The following SLC39A12 variants were observed in gnomAD, a reference collection of about 807,000 sequenced individuals.
The protein encoded by SLC39A12 is solute carrier family 39 member 12.
SLC39A12 carries 63 observed loss-of-function variants against 71.1 expected under a neutral mutation model. The observed-to-expected ratio is 0.89, with a 90% CI of 0.72 to 1.09. SLC39A12 has a LOEUF of 1.09. Among genes scored for constraint, SLC39A12 ranks in the 50% least tolerant of loss-of-function variants. The pLI, the probability that SLC39A12 is intolerant of heterozygous loss-of-function variation, is 0.00. For synonymous variants in SLC39A12, 351 were observed against 301.3 expected (o/e 1.16, Z -1.71); for missense variants, 892 against 812.6 (o/e 1.10, Z -1.19).
At chr10:17,961,981 G>A in intron 3 of SLC39A12, 119 bp downstream of exon 3, 2 of 1,065,426 alleles carry the variant, frequency 1.9e-6, no homozygotes, top group Non-Finnish European at 2.7e-6. Context: ...AAGTATTTGT[G>A]GGTTTTGGTT....
intron 11 of SLC39A12, chr10:18,002,970 G>A (rs1835878205): frequency 1.9e-6 from 1 of 516,528 alleles, no homozygotes; most frequent in East Asian, 3.1e-5. Flanking sequence ...TGGAACTCTT[G>A]AAATGCAACT....
chr10:17,977,867 T>C, intron 4 of SLC39A12, 35 bp from the exon 5 acceptor site: 1 of 1,517,270 alleles, frequency 6.6e-7, no homozygotes, highest in African/African-American at 1.4e-5. Context: ...ACTTATCTAT[T>C]CTATGTGACA....
chr10:17,959,084 T>G (rs1235299555), intron 2 of SLC39A12, among the ~76,000 whole-genome samples: 2 of 152,210 alleles, frequency 1.3e-5, no homozygotes, highest in African/African-American at 2.4e-5. Flanking sequence ...GAGGCTATTT[T>G]GTACAAAGAA....
In SLC39A12 at chr10:18,012,537, C is replaced by T. The variant is rs777461667; in HGVS notation, c.1947+9179C>T. ...TTCCCTCCGTCTTGTTTACAGCAAA[C>T]CATCACAAAGAAATTAGAAGTAGAA... is the stretch of plus-strand genomic sequence containing the variant. On this transcript the variant is annotated intron_variant, in intron 12 of 12. Transcript: ENST00000377369. Among the ~76,000 whole-genome samples the T allele has an allele frequency of 3.6e-4, 55 of 152,186 alleles. 1 individual carries two copies. The highest frequency in any genetic ancestry group is 1.6e-3 in the Admixed American group (24 of 15,292).
chr10:18,034,449 A>G lies in SLC39A12; in HGVS notation c.1948-8256A>G, dbSNP rs377720800. On this transcript the variant is annotated intron_variant, in intron 12 of 12. Coordinates refer to ENST00000377369, the MANE Select transcript of SLC39A12 (RefSeq NM_001145195.2). ...TCTTTGCTGGTTTAAAGTCTGTTTT[A>G]TCAGAGACTAGGATTGCAACCCCTG... 1.4e-4 allele frequency among the ~76,000 whole-genome samples: 21 copies of G among 152,212 alleles called. No homozygotes were observed. The South Asian group carries it at 4.1e-3, about 30-fold the overall frequency.
intron 8 of SLC39A12, among the ~76,000 whole-genome samples, chr10:17,992,110 CAAAA>C (rs1835568646): frequency 9.3e-6 from 1 of 106,966 alleles, no homozygotes; most frequent in Non-Finnish European, 2.0e-5. Context: ...AAAAAAAAAA[CAAAA>C]GAAAAAATAA....
At chr10:17,984,386 CTTTGCCT>C (rs1835349001) in intron 6 of SLC39A12, among the ~76,000 whole-genome samples, 1 of 152,216 alleles carries the variant, frequency 6.6e-6, no homozygotes, top group Non-Finnish European at 1.5e-5. Context: ...GAAGTTTCAA[CTTTGCCT>C]TTTGCCTGGG....
chr10:17,996,997 T>C (rs1199913893), intron 10 of SLC39A12, among the ~76,000 whole-genome samples: 1 of 131,524 alleles, frequency 7.6e-6, no homozygotes, highest in Non-Finnish European at 1.5e-5. Context: ...CACTCTAGTC[T>C]GTGCAACAGA....
intron 12 of SLC39A12, among the ~76,000 whole-genome samples, chr10:18,039,060 A>G (rs1041831466): frequency 3.9e-5 from 6 of 152,244 alleles, no homozygotes; most frequent in African/African-American, 7.2e-5. Context: ...CCTATACTTT[A>G]TAAGTCTTTG....
intron 12 of SLC39A12, among the ~76,000 whole-genome samples, chr10:18,014,853 T>C (rs925680857): frequency 2.4e-4 from 37 of 152,318 alleles, no homozygotes; most frequent in African/African-American, 8.2e-4. Context: ...CTGATGCATC[T>C]ACAGTTTGAG....
At chr10:17,964,826 C>T (rs900023505) in intron 3 of SLC39A12, among the ~76,000 whole-genome samples, 1 of 152,160 alleles carries the variant, frequency 6.6e-6, no homozygotes, top group Non-Finnish European at 1.5e-5. Context: ...GCAGGTTGCA[C>T]TTAAAGCGGG....
chr10:18,037,616 T>C (rs1315250116), intron 12 of SLC39A12, among the ~76,000 whole-genome samples: 1 of 115,180 alleles, frequency 8.7e-6, no homozygotes, highest in Non-Finnish European at 1.6e-5. Context: ...GAAATATATA[T>C]GTAAGAAAGG....
intron 8 of SLC39A12, among the ~76,000 whole-genome samples, chr10:17,991,859 C>T (rs545711422): frequency 8.7e-4 from 132 of 152,134 alleles, no homozygotes; most frequent in Non-Finnish European, 1.3e-3. Flanking sequence ...GAGGCCGAGG[C>T]AGGCGGATCA....
At chr10:17,966,867 C>T (rs200598005) in intron 4 of SLC39A12, among the ~76,000 whole-genome samples, 14 of 151,454 alleles carry the variant, frequency 9.2e-5, no homozygotes, top group East Asian at 3.9e-4. Flanking sequence ...CCAGCTACTC[C>T]GGAGGCTGAG....
Position 18,042,770 on chromosome 10 carries a change from A to G in SLC39A12, c.2013A>G (p.Gly671=), listed in dbSNP as rs367754594. 5 of 1,613,486 alleles carry G rather than the reference A, an allele frequency of 3.1e-6. No homozygotes were observed. The highest frequency in any genetic ancestry group is 4.2e-6 in the Non-Finnish European group (5 of 1,179,850). The change falls in exon 13 of 13, where the codon GGA becomes GGG. Residue 671 remains glycine (G), a synonymous_variant. Transcript: ENST00000377369. ...PWMMFLLQNF[G]LILGWLSLLL... ...TGATGTTTCTCCTGCAAAACTTTGG[A>G]TTGATCCTAGGTTGGCTTTCTCTCC...
chr10:17,961,252 AT>A (rs1834680874), intron 2 of SLC39A12, among the ~76,000 whole-genome samples: 1 of 152,206 alleles, frequency 6.6e-6, no homozygotes, highest in Non-Finnish European at 1.5e-5. Context: ...CAAAAAGAAG[AT>A]TGCAAGGAAT....
chr10:17,977,903 A>G lies in SLC39A12; in HGVS notation c.753A>G (p.Glu251=), dbSNP rs777318898. The change falls in exon 5 of 13, where the codon GAA becomes GAG. Residue 251 remains glutamate, a splice_region_variant and synonymous_variant. Transcript: ENST00000377369. ...LNRTNTLRLS[E]LDQLLNTLWT... ...CCAGATTTTATATGAAATTTCTAGA[A>G]CTAGACCAACTCCTCAACACTCTCT... 4 of 1,581,868 alleles carry G rather than the reference A, an allele frequency of 2.5e-6. No individual in the cohort carries two copies. The South Asian group carries it at 3.5e-5, about 14-fold the overall frequency.
chr10:17,991,125 CTTTTT>C, intron 7 of SLC39A12, 21 bp from the exon 8 acceptor site: 17 of 1,358,902 alleles, frequency 1.3e-5, no homozygotes, highest in East Asian at 2.8e-5. Flanking sequence ...TTCTCTCTGC[CTTTTT>C]TTTTTTTTTT....
At chr10:17,956,622 C>A (rs1189707607) in intron 2 of SLC39A12, among the ~76,000 whole-genome samples, 1 of 152,206 alleles carries the variant, frequency 6.6e-6, no homozygotes, top group Non-Finnish European at 1.5e-5. Flanking sequence ...TCCTCAGAAT[C>A]TCCCACCCAC....
Sources: allele counts gnomAD v4.1 joint callset (sites outside exome capture counted in the v4.1 genomes callset), GRCh38; gene constraint gnomAD v4.1.1; transcripts MANE v1.5; gene names NCBI Gene and HGNC (gene_info 2026-07-23, HGNC 2026-07-21).